The following EDIL3 variants were observed in gnomAD, a reference collection of about 807,000 sequenced individuals.
The protein encoded by EDIL3 is EGF-like repeat and discoidin I-like domain-containing protein 3.
Under a neutral mutation model 67.4 loss-of-function variants are expected in EDIL3, and 37 were observed. The ratio of observed to expected loss-of-function variants is 0.55; its 90% CI spans 0.42 to 0.72. The LOEUF (loss-of-function observed/expected upper bound fraction) is 0.72. EDIL3 is among the 30% of genes least tolerant of loss of function. The probability of loss-of-function intolerance (pLI) is 0.00; values close to 1 mark genes in which losing one functional copy is unlikely to be tolerated. For synonymous variants in EDIL3, 195 were observed against 196.3 expected (o/e 0.99, Z 0.05); for missense variants, 527 against 586.3 (o/e 0.90, Z 1.04).
intron 1 of EDIL3, among the ~76,000 whole-genome samples, chr5:84,329,189 T>C (rs532063984): frequency 1.4e-4 from 22 of 152,128 alleles, no homozygotes; most frequent in Non-Finnish European, 2.9e-4. Context: ...ACTATTTTCA[T>C]CTTCTATTGC....
At chr5:84,315,882 G>A (rs923661806) in intron 1 of EDIL3, among the ~76,000 whole-genome samples, 1 of 152,142 alleles carries the variant, frequency 6.6e-6, no homozygotes, top group African/African-American at 2.4e-5. Flanking sequence ...TACCCACAAA[G>A]GGAAGCCCAT....
chr5:84,089,958 G>A (rs1747135752), intron 6 of EDIL3, among the ~76,000 whole-genome samples: 1 of 152,146 alleles, frequency 6.6e-6, no homozygotes, highest in Non-Finnish European at 1.5e-5. Flanking sequence ...TTATATTCCA[G>A]TTGCACAGAA....
chr5:84,304,629 G>A (rs1746228191), intron 1 of EDIL3, among the ~76,000 whole-genome samples: 1 of 152,164 alleles, frequency 6.6e-6, no homozygotes, highest in South Asian at 2.1e-4. Flanking sequence ...AGTATATGAG[G>A]TGAAATTATG....
intron 1 of EDIL3, among the ~76,000 whole-genome samples, chr5:84,349,389 A>AC (rs1747308439): frequency 6.6e-6 from 1 of 152,194 alleles, no homozygotes; most frequent in Non-Finnish European, 1.5e-5. Context: ...AAGTATTAAT[A>AC]GATCAACCAG....
At chr5:84,279,169 C>T (rs1328657676) in intron 1 of EDIL3, among the ~76,000 whole-genome samples, 16 of 152,010 alleles carry the variant, frequency 1.1e-4, no homozygotes, top group Admixed American at 7.9e-4. Flanking sequence ...AAAATTTATT[C>T]GAAGGCTGCC....
At chr5:84,036,882 T>G (rs1746031447) in intron 9 of EDIL3, among the ~76,000 whole-genome samples, 2 of 152,172 alleles carry the variant, frequency 1.3e-5, no homozygotes, top group Admixed American at 1.3e-4. Context: ...AGATTTTGTT[T>G]TCCTCAGCTC....
intron 1 of EDIL3, among the ~76,000 whole-genome samples, chr5:84,318,007 T>G (rs1021396016): frequency 1.3e-5 from 2 of 152,174 alleles, no homozygotes; most frequent in African/African-American, 4.8e-5. Flanking sequence ...CAGACATTCC[T>G]ATACAGCAAT....
At chr5:84,384,218 C>T (rs947905214) in intron 1 of EDIL3, 90 bp downstream of exon 1, 32 of 1,488,942 alleles carry the variant, frequency 2.1e-5, no homozygotes, top group Admixed American at 1.9e-4. Context: ...CTTGGCACGC[C>T]GGAGGGACCG....
intron 9 of EDIL3, among the ~76,000 whole-genome samples, chr5:83,981,175 T>C (rs1055151865): frequency 9.2e-5 from 14 of 152,014 alleles, no homozygotes; most frequent in African/African-American, 2.9e-4. Flanking sequence ...AGGCCCCAAA[T>C]AGCCAAAACA....
chr5:84,303,526 A>C (rs991622855), intron 1 of EDIL3, among the ~76,000 whole-genome samples: 1 of 152,200 alleles, frequency 6.6e-6, no homozygotes, highest in Admixed American at 6.5e-5. Flanking sequence ...TTAGTCATTT[A>C]CATGGATTAG....
intron 4 of EDIL3, among the ~76,000 whole-genome samples, chr5:84,179,677 C>T (rs1232464008): frequency 6.6e-6 from 1 of 152,162 alleles, no homozygotes; most frequent in African/African-American, 2.4e-5. Context: ...AACATTCTGT[C>T]CCTCCTTCAA....
intron 1 of EDIL3, among the ~76,000 whole-genome samples, chr5:84,274,970 A>G (rs1427596502): frequency 2.6e-5 from 4 of 152,222 alleles, no homozygotes; most frequent in Non-Finnish European, 5.9e-5. Flanking sequence ...AGATATACTC[A>G]TAAAATTTCA....
Position 84,041,913 on chromosome 5 carries a change from T to G in EDIL3, c.1137+18387A>C, listed in dbSNP as rs150992506. ...ATGAAATAAACAAAGATTGAACCTT[T>G]AATAGGTGGTAGGATGTTAAGAATG... On this transcript the variant is annotated intron_variant, in intron 9 of 10. Coordinates refer to ENST00000296591, the MANE Select transcript of EDIL3 (RefSeq NM_005711.5). Among the ~76,000 whole-genome samples, 9 of 152,148 alleles carry G rather than the reference T, an allele frequency of 5.9e-5. 1 individual carries two copies. In the East Asian group the frequency reaches 1.7e-3, roughly 29 times the overall value.
chr5:84,310,527 G>A (rs1377975662), intron 1 of EDIL3, among the ~76,000 whole-genome samples: 1 of 152,036 alleles, frequency 6.6e-6, no homozygotes, highest in Non-Finnish European at 1.5e-5. Flanking sequence ...CTAGATGACA[G>A]GCAAGTGTTG....
intron 10 of EDIL3, among the ~76,000 whole-genome samples, chr5:83,962,677 A>G (rs749714711): frequency 6.6e-6 from 1 of 150,928 alleles, no homozygotes; most frequent in Non-Finnish European, 1.5e-5. Flanking sequence ...GCAGAAAAAC[A>G]TCTGAGTTTT....
At chr5:84,161,634 C>T (rs1382695147) in intron 4 of EDIL3, among the ~76,000 whole-genome samples, 1 of 152,014 alleles carries the variant, frequency 6.6e-6, no homozygotes, top group Non-Finnish European at 1.5e-5. Flanking sequence ...ACTAGACAAT[C>T]GCCTGTACCT....
At chr5:84,145,374 G>C (rs143822615) in intron 4 of EDIL3, among the ~76,000 whole-genome samples, 1 of 152,176 alleles carries the variant, frequency 6.6e-6, no homozygotes, top group Non-Finnish European at 1.5e-5. Flanking sequence ...GACTGTGCGA[G>C]GGGATACTCT....
intron 2 of EDIL3, among the ~76,000 whole-genome samples, chr5:84,238,095 G>T (rs918133397): frequency 6.6e-6 from 1 of 152,046 alleles, no homozygotes; most frequent in Admixed American, 6.6e-5. Context: ...AAAAATAAAT[G>T]GTGATGAATT....
In EDIL3 at chr5:84,233,169, G is replaced by GCTAC. The variant is rs571021122; in HGVS notation, c.197-3286_197-3285insGTAG. Among the ~76,000 whole-genome samples the GCTAC allele has an allele frequency of 8.5e-5, 13 of 152,176 alleles. No homozygotes were observed. The South Asian group carries it at 1.5e-3, about 17-fold the overall frequency. On this transcript the variant is annotated intron_variant, in intron 2 of 10. Transcript: ENST00000296591. ...AAGAATGTACTGAAATTATAATGAT[G>GCTAC]GTAGGAAAACAGAGGTAAAAAAATA...
Sources: gnomAD v4.1 joint callset for allele counts (sites outside exome capture counted in the v4.1 genomes callset) on GRCh38, gnomAD v4.1.1 for gene constraint, MANE v1.5 for transcripts, NCBI Gene and HGNC (gene_info 2026-07-23, HGNC 2026-07-21) for gene names.